Variants in MYO5B observed in about 807,000 individuals in gnomAD.
MYO5B encodes the protein myosin VB.
MYO5B carries 143 observed loss-of-function variants against 229.3 expected under a neutral mutation model. That is an observed-to-expected ratio of 0.62 (90% confidence interval 0.54 to 0.72). MYO5B has a LOEUF of 0.72. Ranked by LOEUF, MYO5B falls within the 30% of genes least tolerant of loss-of-function variation. The probability of loss-of-function intolerance (pLI) is 0.00; values close to 1 mark genes in which losing one functional copy is unlikely to be tolerated. For synonymous variants in MYO5B, 918 were observed against 885.2 expected (o/e 1.04, Z -0.66); for missense variants, 2,321 against 2,331.0 (o/e 1.00, Z 0.09).
Position 49,836,746 on chromosome 18 carries a change from T to G in MYO5B, c.5278A>C (p.Ile1760Leu), listed in dbSNP as rs371559656. 4 of 1,614,128 alleles carry G rather than the reference T, an allele frequency of 2.5e-6. No homozygotes were observed. Among genetic ancestry groups the G allele is most frequent in the Admixed American group, 1.7e-5 (1 of 60,028 alleles). Reference protein sequence around the residue: ...KKKTQEDAEAICSLCTSLSTQ... With the variant: ...KKKTQEDAEALCSLCTSLSTQ... ...CTGAGGGAGGTACACAGGGAGCAGA[T>G]AGCCTCTGCGTCCTCCTGGGTTTTC... is the stretch of plus-strand genomic sequence containing the variant. The change falls in exon 38 of 40, where the codon ATC becomes CTC. Residue 1760 changes from isoleucine to leucine, a missense_variant. Around this residue, in one of 2 missense-constraint regions of MYO5B, gnomAD observed 208 missense variants for 286.3 expected, o/e 0.73. Transcript: ENST00000285039.
At chr18:50,118,626 CTT>C (rs11429821) in intron 1 of MYO5B, among the ~76,000 whole-genome samples, 12 of 137,994 alleles carry the variant, frequency 8.7e-5, no homozygotes, top group South Asian at 2.3e-4. Context: ...GTTGGCATTT[CTT>C]TTTTTTTTTT....
rs560821407 is a variant in MYO5B, at chr18:50,175,866, C to T, written c.27+18901G>A. Among the ~76,000 whole-genome samples the T allele has an allele frequency of 2.0e-5, 3 of 152,360 alleles. No individual in the cohort carries two copies. The South Asian group carries it at 6.2e-4, about 32-fold the overall frequency. On this transcript the variant is annotated intron_variant, in intron 1 of 39. Transcript: ENST00000285039. ...GGGTTGAGGGGTGTTCAACTGACCA[C>T]GTGCCCCTGCACCAAGCTAAGTCCA... is the stretch of plus-strand genomic sequence containing the variant.
chr18:49,836,925 C>T, intron 37 of MYO5B, 40 bp from the exon 38 acceptor site: 3 of 1,600,606 alleles, frequency 1.9e-6, no homozygotes, highest in Non-Finnish European at 2.6e-6. Context: ...TAAGCCGGTC[C>T]TCCTAATTCA....
At chr18:50,077,170 A>T (rs1450491581) in intron 1 of MYO5B, among the ~76,000 whole-genome samples, 38 of 16,282 alleles carry the variant, frequency 2.3e-3, no homozygotes, top group African/African-American at 5.3e-3. Context: ...TGGCAAAGTA[A>T]AAAAAAAAAA....
rs138738709 is a variant in MYO5B, at chr18:49,949,111, G to T, written c.1752+4149C>A. ...GGGATAGAGTGGAAAGATGGCACTG[G>T]GATGCCTGTCCCATAGCCCAGAAAT... On this transcript the variant is annotated intron_variant, in intron 14 of 39. Transcript: ENST00000285039. Among the ~76,000 whole-genome samples, 900 of 152,204 alleles carry T rather than the reference G, an allele frequency of 5.9e-3. 15 individuals carry two copies. Among genetic ancestry groups the T allele is most frequent in the East Asian group, 0.037 (190 of 5,176 alleles).
intron 1 of MYO5B, among the ~76,000 whole-genome samples, chr18:50,084,110 A>G (rs557932273): frequency 9.2e-5 from 14 of 152,298 alleles, no homozygotes; most frequent in African/African-American, 3.4e-4. Context: ...TCTGGCACCT[A>G]GTTGCTAACA....
chr18:50,178,784 A>T (rs772869105), intron 1 of MYO5B, among the ~76,000 whole-genome samples: 13 of 152,186 alleles, frequency 8.5e-5, no homozygotes, highest in Non-Finnish European at 1.5e-4. Flanking sequence ...ACATCTTCGC[A>T]TCTGTCCCAT....
At chr18:49,909,237 G>A (rs1012963141) in intron 18 of MYO5B, among the ~76,000 whole-genome samples, 3 of 152,132 alleles carry the variant, frequency 2.0e-5, no homozygotes, top group Non-Finnish European at 4.4e-5. Flanking sequence ...CCCAAGAAGA[G>A]GAGAAAAATA....
intron 5 of MYO5B, 95 bp from the exon 6 acceptor site, chr18:49,992,526 T>C (rs2025945291): frequency 1.3e-6 from 2 of 1,558,816 alleles, no homozygotes; most frequent in Non-Finnish European, 1.8e-6. Context: ...CCCTTTCTCT[T>C]CCTTACTTAC....
chr18:50,181,460 C>T (rs1379382353), intron 1 of MYO5B, among the ~76,000 whole-genome samples: 2 of 152,224 alleles, frequency 1.3e-5, no homozygotes, highest in Non-Finnish European at 2.9e-5. Context: ...GCAAGATAGT[C>T]AGTGAGTCCT....
At chr18:49,952,074 T>G (rs905758030) in intron 14 of MYO5B, among the ~76,000 whole-genome samples, 17 of 152,222 alleles carry the variant, frequency 1.1e-4, no homozygotes, top group Admixed American at 6.5e-4. Flanking sequence ...TGGGCAGGGG[T>G]CTGTTCTTGG....
chr18:50,063,677 CAA>C (rs2030746692), intron 1 of MYO5B: 1 of 152,126 alleles, frequency 6.6e-6, no homozygotes, highest in Admixed American at 6.6e-5. Context: ...TTAAATGAAA[CAA>C]AAGTCAATTA....
In MYO5B at chr18:50,079,878, A is replaced by G. The variant is rs549719545; in HGVS notation, c.28-24500T>C. ...CTGCCAGCGTAGTCTATCCTAGGGC[A>G]GAGGGGTTTTGTTGCCACAGGAGCA... On this transcript the variant is annotated intron_variant, in intron 1 of 39. Coordinates refer to ENST00000285039, the MANE Select transcript of MYO5B (RefSeq NM_001080467.3). 2.0e-5 allele frequency among the ~76,000 whole-genome samples: 3 copies of G among 152,346 alleles called. No individual in the cohort carries two copies. In the South Asian group the frequency reaches 6.2e-4, roughly 32 times the overall value.
chr18:50,068,280 A>G (rs2030871826), intron 1 of MYO5B, among the ~76,000 whole-genome samples: 1 of 152,250 alleles, frequency 6.6e-6, no homozygotes, highest in African/African-American at 2.4e-5. Context: ...TTCTTAAAAT[A>G]GAAACCCACA....
intron 32 of MYO5B, among the ~76,000 whole-genome samples, chr18:49,848,712 GGAGTAAGCAAAGCTTGAAGCCAAGA>G (rs2024162070): frequency 6.6e-6 from 1 of 152,130 alleles, no homozygotes; most frequent in Non-Finnish European, 1.5e-5. Context: ...TAGGTCTTTA[GGAGTAAGCAAAGCTTGAAGCCAAGA>G]GACTAGGAGA....
rs1457340243 is a variant in MYO5B, at chr18:50,016,338, T to C, written c.456-14927A>G. On this transcript the variant is annotated intron_variant, in intron 4 of 39. Coordinates refer to ENST00000285039, the MANE Select transcript of MYO5B (RefSeq NM_001080467.3). ...GCATTCATTTTATATTTAATAAAACTTAGAGTTTAAAGGCTGGCATCTAAT... is the reference window on the plus strand; with the variant it reads ...GCATTCATTTTATATTTAATAAAACCTAGAGTTTAAAGGCTGGCATCTAAT... Among the ~76,000 whole-genome samples, 6 of 152,214 alleles carry C rather than the reference T, an allele frequency of 3.9e-5. No individual in the cohort carries two copies. In the East Asian group the frequency reaches 1.2e-3, roughly 29 times the overall value.
chr18:49,914,551 G>A lies in MYO5B; in HGVS notation c.2091-2378C>T, dbSNP rs543920249. The stretch of plus-strand genomic sequence containing the variant: ...TCCCAGCACTTTGGGAGACTGAGGC[G>A]GGTGGATCACTTGAGGTCAGGAGTT... On this transcript the variant is annotated intron_variant, in intron 17 of 39. Transcript: ENST00000285039. 5.3e-5 allele frequency among the ~76,000 whole-genome samples: 8 copies of A among 152,122 alleles called. No homozygotes were observed. The East Asian group carries it at 5.8e-4, about 11-fold the overall frequency.
Position 49,961,351 on chromosome 18 carries a change from A to T in MYO5B, c.1545+915T>A, listed in dbSNP as rs566809600. Among the ~76,000 whole-genome samples, 8 of 152,332 alleles carry T rather than the reference A, an allele frequency of 5.3e-5. No homozygotes were observed. The South Asian group carries it at 1.7e-3, about 32-fold the overall frequency. On this transcript the variant is annotated intron_variant, in intron 12 of 39. Transcript: ENST00000285039. Reference sequence around the variant, plus strand: ...TAAAAACCTTCAGGAGGTTAAAAAAAAATATGCAAGCTGTAGAACTGGTAT... The same window carrying T: ...TAAAAACCTTCAGGAGGTTAAAAAATAATATGCAAGCTGTAGAACTGGTAT...
chr18:50,054,857 A>G (rs1425937745), intron 2 of MYO5B, among the ~76,000 whole-genome samples: 1 of 152,182 alleles, frequency 6.6e-6, no homozygotes, highest in Non-Finnish European at 1.5e-5. Flanking sequence ...TTGTGAACTG[A>G]TATAAGGTCA....
Sources: gnomAD v4.1 joint callset for allele counts (sites outside exome capture counted in the v4.1 genomes callset) on GRCh38, gnomAD v4.1.1 for gene constraint, gnomAD v4.1.1 regional missense constraint, MANE v1.5 for transcripts, NCBI Gene and HGNC (gene_info 2026-07-23, HGNC 2026-07-21) for gene names.